The following TTC6 variants were observed in gnomAD, a reference collection of about 807,000 sequenced individuals.
TTC6 encodes tetratricopeptide repeat domain 6.
In TTC6, 172 loss-of-function variants were observed where a neutral mutation model predicts 210.4. That is an observed-to-expected ratio of 0.82 (90% confidence interval 0.72 to 0.93). The LOEUF is 0.93. TTC6 is among the 40% of genes least tolerant of loss of function. The probability of loss-of-function intolerance (pLI) is 0.00; values close to 1 mark genes in which losing one functional copy is unlikely to be tolerated. For missense variants in TTC6, 2,414 were observed against 2,318.1 expected, an observed-to-expected ratio of 1.04 and a Z score of -0.85; for synonymous variants, 804 against 819.6, an observed-to-expected ratio of 0.98 and a Z score of 0.32.
At chr14:37,657,845 GAGAGT>G (rs918123399) in intron 1 of TTC6, among the ~76,000 whole-genome samples, 64 of 152,302 alleles carry the variant, frequency 4.2e-4, no homozygotes, top group African/African-American at 1.5e-3. Context: ...ACATAAAGGA[GAGAGT>G]TTGATTTTTT....
At chr14:37,823,265 GC>G (rs2096162179) in intron 26 of TTC6, among the ~76,000 whole-genome samples, 1 of 151,932 alleles carries the variant, frequency 6.6e-6, no homozygotes, top group Non-Finnish European at 1.5e-5. Flanking sequence ...CAGTGAAATG[GC>G]CTGCCTTTAT....
At chr14:37,636,113 G>T (rs946460199) in intron 1 of TTC6, among the ~76,000 whole-genome samples, 6 of 151,740 alleles carry the variant, frequency 4.0e-5, no homozygotes, top group African/African-American at 1.5e-4. Flanking sequence ...AAATAACAGA[G>T]CTACAAAATA....
At chr14:37,732,752 G>A (rs982890256) in intron 7 of TTC6, among the ~76,000 whole-genome samples, 1 of 151,076 alleles carries the variant, frequency 6.6e-6, no homozygotes, top group African/African-American at 2.4e-5. Context: ...CGAGTAGCTG[G>A]GACTACAGGC....
intron 1 of TTC6, among the ~76,000 whole-genome samples, chr14:37,648,160 A>G (rs993450904): frequency 6.6e-6 from 1 of 152,140 alleles, no homozygotes; most frequent in African/African-American, 2.4e-5. Flanking sequence ...TGTTTAATAC[A>G]GTTGGTGTTT....
chr14:37,681,095 C>G (rs997857305), intron 2 of TTC6, among the ~76,000 whole-genome samples: 2 of 152,066 alleles, frequency 1.3e-5, no homozygotes, highest in Non-Finnish European at 2.9e-5. Flanking sequence ...GCCTTATGAT[C>G]CAGCATGAGA....
intron 6 of TTC6, chr14:37,720,448 A>G (rs1165382959): frequency 2.0e-5 from 3 of 152,110 alleles, no homozygotes; most frequent in East Asian, 1.9e-4. Context: ...AATAGAAGCC[A>G]AACTCTCTGT....
intron 14 of TTC6, among the ~76,000 whole-genome samples, chr14:37,785,493 C>T (rs893225305): frequency 6.6e-5 from 10 of 152,148 alleles, no homozygotes; most frequent in Admixed American, 5.9e-4. Context: ...CTTCTCTATG[C>T]TGTTTATTCT....
At chr14:37,804,437 GC>G (rs1246444241) in intron 20 of TTC6, among the ~76,000 whole-genome samples, 1 of 152,178 alleles carries the variant, frequency 6.6e-6, no homozygotes, top group Non-Finnish European at 1.5e-5. Flanking sequence ...CCATAAGCCT[GC>G]TTAAGTACTG....
chr14:37,749,403 T>A lies in TTC6; in HGVS notation c.2826+2T>A, dbSNP rs977743207. The A allele has an allele frequency of 2.8e-6, 4 of 1,405,736 alleles. No individual in the cohort carries two copies. In the African/African-American group the frequency reaches 5.8e-5, roughly 20 times the overall value. 87.1% of individuals were successfully genotyped at this position (1,405,736 alleles called of 1,614,324 possible). ...AGTGCCATGAATGATCTGCAGAGAGTAAGTTTTCTTTAACCAAAATAGTAA... is the reference window on the plus strand; with the variant it reads ...AGTGCCATGAATGATCTGCAGAGAGAAAGTTTTCTTTAACCAAAATAGTAA... On this transcript the variant is annotated splice_donor_variant, in intron 11 of 30. Transcript: ENST00000553443. LOFTEE classifies it high-confidence loss of function.
At chr14:37,803,658 A>C (rs8014932) in intron 20 of TTC6, among the ~76,000 whole-genome samples, 2 of 152,192 alleles carry the variant, frequency 1.3e-5, no homozygotes, top group Non-Finnish European at 2.9e-5. Flanking sequence ...GATGGGGTCA[A>C]GGACAGCTTT....
chr14:37,639,082 C>G (rs1336882448), intron 1 of TTC6, among the ~76,000 whole-genome samples: 1 of 152,116 alleles, frequency 6.6e-6, no homozygotes, highest in Non-Finnish European at 1.5e-5. Flanking sequence ...TGGTACATAT[C>G]AAAGAACATA....
At chr14:37,804,628 A>G (rs968530909) in intron 20 of TTC6, 52 bp from the exon 23 acceptor site, 11 of 1,590,060 alleles carry the variant, frequency 6.9e-6, no homozygotes, top group Non-Finnish European at 9.4e-6. Context: ...ACGTTAAATC[A>G]ATAGTGGAAA....
intron 1 of TTC6, among the ~76,000 whole-genome samples, chr14:37,651,236 C>G (rs1422477243): frequency 6.6e-6 from 1 of 151,214 alleles, no homozygotes; most frequent in African/African-American, 2.4e-5. Context: ...CCCTTCCCTG[C>G]TCCTTTTCTT....
At chr14:37,622,789 C>G in exon 1 of TTC6, 1 of 1,534,426 alleles carries the variant, frequency 6.5e-7, no homozygotes, top group Non-Finnish European at 8.7e-7. Flanking sequence ...GCGCGGGAAG[C>G]GGCGGGGTTA....
intron 2 of TTC6, among the ~76,000 whole-genome samples, chr14:37,611,800 G>T (rs1998125): frequency 0.65 from 98,878 of 151,842 alleles, 33,843 homozygotes; most frequent in African/African-American, 0.87. Context: ...TCAACCACCA[G>T]TAGGTGGTTG....
chr14:37,625,412 G>T (rs1036047110), intron 1 of TTC6, among the ~76,000 whole-genome samples: 14 of 151,974 alleles, frequency 9.2e-5, no homozygotes, highest in Admixed American at 2.6e-4. Flanking sequence ...GCCGGGCGTG[G>T]TGGCAGGCGC....
At chr14:37,789,887 T>C (rs1003666511) in intron 15 of TTC6, among the ~76,000 whole-genome samples, 11 of 152,072 alleles carry the variant, frequency 7.2e-5, no homozygotes, top group African/African-American at 2.4e-4. Flanking sequence ...GCAAACATTA[T>C]GCATATTTTG....
chr14:37,663,631 A>G (rs1264102598), intron 1 of TTC6, among the ~76,000 whole-genome samples: 2 of 152,154 alleles, frequency 1.3e-5, no homozygotes, highest in Admixed American at 6.5e-5. Context: ...TTTTGAGAAA[A>G]TATTGGTGTT....
chr14:37,798,393 C>CTT (rs33975818), intron 20 of TTC6, among the ~76,000 whole-genome samples: 109,227 of 151,324 alleles, frequency 0.72, 41,173 homozygotes, highest in Non-Finnish European at 0.84. Context: ...TAAAGGGTAT[C>CTT]TTTAAAAAAA....
Sources: allele counts gnomAD v4.1 joint callset (sites outside exome capture counted in the v4.1 genomes callset), GRCh38; gene constraint gnomAD v4.1.1; transcripts MANE v1.5; gene names NCBI Gene and HGNC (gene_info 2026-07-23, HGNC 2026-07-21).